Variants in SLC26A11 observed in about 807,000 individuals in gnomAD.
SLC26A11 encodes sodium-independent sulfate anion transporter.
Under a neutral mutation model 62.2 loss-of-function variants are expected in SLC26A11, and 58 were observed. The observed-to-expected ratio is 0.93, with a 90% CI of 0.76 to 1.16. The LOEUF (loss-of-function observed/expected upper bound fraction) is 1.16, where lower values mean the gene tolerates loss of function less well. Ranked by LOEUF, SLC26A11 falls within the 50% of genes most tolerant of loss-of-function variation. The pLI, the probability that SLC26A11 is intolerant of heterozygous loss-of-function variation, is 0.00. For missense variants in SLC26A11, 790 were observed against 794.3 expected (o/e 0.99, Z 0.06); for synonymous variants, 411 against 368.9 (o/e 1.11, Z -1.31).
Position 80,253,193 on chromosome 17 carries a change from C to T in SLC26A11, c.*477C>T, listed in dbSNP as rs532275734. On this transcript the variant is annotated 3_prime_UTR_variant, in exon 18 of 18. Transcript: ENST00000361193. ...AAAACCAAGGTGTGTCAAATGACGTCAAGTCTCTATTTAAAAATAATTTTG... is the reference window on the plus strand; with the variant it reads ...AAAACCAAGGTGTGTCAAATGACGTTAAGTCTCTATTTAAAAATAATTTTG... The T allele has an allele frequency of 6.5e-6, 1 of 152,760 alleles. No homozygotes were observed. Among genetic ancestry groups the T allele is most frequent in the African/African-American group, 2.4e-5 (1 of 41,558 alleles). The allele number at this position is 152,760 out of a possible 1,614,324, so 9.5% of individuals were successfully genotyped here.
Position 80,222,687 on chromosome 17 carries a change from CG to C in SLC26A11, c.268del (p.Val90CysfsTer11), listed in dbSNP as rs1475588498. ...GLYSAFMGCFVYFFLGTSRDV... is the reference protein window; with the variant it reads ...GLYSAFMGCFXYFFLGTSRDV... ...TCTACTCTGCCTTCATGGGCTGCTTCGTGTATTTCTTCCTGGGCACCTCCCG... is the reference window on the plus strand; with the variant it reads ...TCTACTCTGCCTTCATGGGCTGCTTCTGTATTTCTTCCTGGGCACCTCCCG... On this transcript the variant is annotated frameshift_variant, in exon 4 of 18. Coordinates refer to ENST00000361193, the MANE Select transcript of SLC26A11 (RefSeq NM_001166347.2). LOFTEE classifies it high-confidence loss of function. This position sits in a 1 kb window ranked among gnomAD's most constrained non-coding sequence, Gnocchi z 4.7. 5.0e-6 allele frequency: 8 copies of C among 1,614,126 alleles called. No individual in the cohort carries two copies. The highest frequency in any genetic ancestry group is 5.9e-6 in the Non-Finnish European group (7 of 1,180,034).
At chr17:80,249,091 C>T in intron 15 of SLC26A11, 63 bp from the exon 16 acceptor site, 1 of 1,561,752 alleles carries the variant, frequency 6.4e-7, no homozygotes, top group South Asian at 1.2e-5. Context: ...CCTCCTTTGG[C>T]CTCTGCAGAG....
At chr17:80,248,085 C>T (rs2043055187) in intron 13 of SLC26A11, 45 bp from the exon 14 acceptor site, 1 of 1,556,950 alleles carries the variant, frequency 6.4e-7, no homozygotes. Flanking sequence ...CATGTTGGGG[C>T]CTCGGGCAGC....
rs1177919577 is a variant in SLC26A11 at position 80,225,938 on chromosome 17, C to T, written c.593+22C>T. On this transcript the variant is annotated intron_variant, in intron 6 of 17. Coordinates refer to ENST00000361193, the MANE Select transcript of SLC26A11 (RefSeq NM_001166347.2). Reference sequence around the variant, plus strand: ...CCAGGTACCCCGGGCTTTGTTCCTCCCTCCTATAAGGAAGCTCCTTCTTCC... The same window carrying T: ...CCAGGTACCCCGGGCTTTGTTCCTCTCTCCTATAAGGAAGCTCCTTCTTCC... The T allele has an allele frequency of 4.4e-6, 7 of 1,608,882 alleles. No individual in the cohort carries two copies. In the Admixed American group the frequency reaches 1.2e-4, roughly 27 times the overall value.
chr17:80,241,721 G>A (rs1435386439), intron 9 of SLC26A11, 50 bp from the exon 10 acceptor site: 1 of 1,574,826 alleles, frequency 6.3e-7, no homozygotes, highest in Non-Finnish European at 8.7e-7. Flanking sequence ...AATACTTTTT[G>A]AGCGATGTTG....
rs370166508 is a variant in SLC26A11 at position 80,241,937 on chromosome 17, G to C, written c.1036+116G>C. ...CCATGATGGTGGTGATGAACTGGGA[G>C]GGCAAAGGTGGCCCCAGATGGGATC... is the stretch of plus-strand genomic sequence containing the variant. On this transcript the variant is annotated intron_variant, in intron 10 of 17. Coordinates refer to ENST00000361193, the MANE Select transcript of SLC26A11 (RefSeq NM_001166347.2). The C allele has an allele frequency of 4.7e-5, 55 of 1,167,134 alleles. No individual in the cohort carries two copies. The African/African-American group carries it at 7.6e-4, about 16-fold the overall frequency. 72.3% of individuals were successfully genotyped at this position (1,167,134 alleles called of 1,614,324 possible).
Sources: allele counts gnomAD v4.1 joint callset, GRCh38; gene constraint gnomAD v4.1.1; non-coding constraint Gnocchi (gnomAD v3.1); transcripts MANE v1.5; gene names NCBI Gene and HGNC (gene_info 2026-07-23, HGNC 2026-07-21).